The following DNAH9 variants were observed in gnomAD, a reference collection of about 807,000 sequenced individuals.
DNAH9 encodes the protein DNAH9 variant protein.
DNAH9 carries 345 observed loss-of-function variants against 471.6 expected under a neutral mutation model. That is an observed-to-expected ratio of 0.73 (90% CI 0.67 to 0.80). The LOEUF (loss-of-function observed/expected upper bound fraction) is 0.80, where lower values mean the gene tolerates loss of function less well. Ranked by LOEUF, DNAH9 falls within the 30% of genes least tolerant of loss-of-function variation. DNAH9 has a pLI of 0.00. For missense variants in DNAH9, 5,407 were observed against 5,609.2 expected (o/e 0.96, Z 1.15); for synonymous variants, 2,093 against 2,123.6 (o/e 0.99, Z 0.40).
chr17:11,686,319 A>G (rs1009204488), intron 19 of DNAH9, among the ~76,000 whole-genome samples: 1 of 152,124 alleles, frequency 6.6e-6, no homozygotes, highest in Non-Finnish European at 1.5e-5. Context: ...TCTTTTAATT[A>G]TAGTTTTATT....
chr17:11,601,710 G>A (rs1275660077), intron 1 of DNAH9, among the ~76,000 whole-genome samples: 1 of 151,902 alleles, frequency 6.6e-6, no homozygotes, highest in Non-Finnish European at 1.5e-5. Flanking sequence ...CCCTCCTTCT[G>A]GCCCAGCCCT....
chr17:11,858,678 G>C (rs1699641368), intron 50 of DNAH9, among the ~76,000 whole-genome samples: 1 of 152,282 alleles, frequency 6.6e-6, no homozygotes, highest in South Asian at 2.1e-4. Context: ...TATTGAGGCA[G>C]TTGACCTTCT....
chr17:11,640,691 CT>C (rs1045039705), intron 10 of DNAH9, among the ~76,000 whole-genome samples: 2 of 152,166 alleles, frequency 1.3e-5, no homozygotes, highest in African/African-American at 4.8e-5. Flanking sequence ...ACACGTCTCC[CT>C]TTGACATCAT....
intron 43 of DNAH9, among the ~76,000 whole-genome samples, chr17:11,800,363 C>CCTCT (rs374120092): frequency 1.3e-5 from 2 of 150,278 alleles, no homozygotes; most frequent in African/African-American, 2.4e-5. Flanking sequence ...GTAATTATCT[C>CCTCT]CTCTCTCTCT....
Position 11,822,984 on chromosome 17 carries a change from A to G in DNAH9, c.9196A>G (p.Thr3066Ala). The G allele has an allele frequency of 6.2e-7, 1 of 1,614,192 alleles. No individual in the cohort carries two copies. The highest frequency in any genetic ancestry group is 8.5e-7 in the Non-Finnish European group (1 of 1,180,026). Residue 3066 changes from threonine (T) to alanine (A), a missense_variant, in exon 48 of 69, where the codon ACA becomes GCA. By Grantham distance (58) the Thr-to-Ala change is moderately conservative. Transcript: ENST00000262442. ...GCACAGAAAAGAGCTCAAGTGCAAG[A>G]CAGAGCGGTTGGAGAACGGGCTGCT... ...HRHRKELKCKTERLENGLLKL... is the reference protein window; with the variant it reads ...HRHRKELKCKAERLENGLLKL...
intron 26 of DNAH9, among the ~76,000 whole-genome samples, chr17:11,717,872 C>A (rs1053236596): frequency 3.3e-5 from 5 of 152,082 alleles, no homozygotes; most frequent in African/African-American, 4.8e-5. Flanking sequence ...AATGGAATGA[C>A]AACATATAAT....
At chr17:11,700,975 C>T in intron 23 of DNAH9, 147 bp from the exon 24 acceptor site, 1 of 760,410 alleles carries the variant, frequency 1.3e-6, no homozygotes, top group Non-Finnish European at 2.2e-6. Flanking sequence ...AACAGCACAT[C>T]TCTCTGCACC....
At position 11,602,969 on chromosome 17, in the gene DNAH9, C is replaced by G. The variant is rs181227696; in HGVS notation, c.417+4054C>G. ...TCCCATTGGCCCTGGACCATGCACA[C>G]GGTCTCTTCTCTTACCCAATTTGAG... On this transcript the variant is annotated intron_variant, in intron 1 of 68. Coordinates refer to ENST00000262442, the MANE Select transcript of DNAH9 (RefSeq NM_001372.4). Among the ~76,000 whole-genome samples the G allele has an allele frequency of 4.8e-3, 731 of 152,300 alleles. 2 individuals are homozygous for G. The highest frequency in any genetic ancestry group is 0.016 in the African/African-American group (672 of 41,558).
intron 5 of DNAH9, among the ~76,000 whole-genome samples, chr17:11,618,993 A>G (rs1365336692): frequency 6.6e-6 from 1 of 152,132 alleles, no homozygotes; most frequent in Non-Finnish European, 1.5e-5. Context: ...CAAAAGTAGG[A>G]GCAAAAAAAG....
At chr17:11,876,078 G>C (rs951649609) in intron 53 of DNAH9, among the ~76,000 whole-genome samples, 21 of 152,214 alleles carry the variant, frequency 1.4e-4, no homozygotes, top group East Asian at 7.7e-4. Context: ...AGGAAGCAGA[G>C]GTTCACAGAA....
In DNAH9 at chr17:11,875,009, G is replaced by A. The variant is rs765611046; in HGVS notation, c.10303G>A (p.Val3435Met). 1.2e-5 allele frequency: 20 copies of A among 1,613,968 alleles called. No individual in the cohort carries two copies. The highest frequency in any genetic ancestry group is 1.7e-5 in the Admixed American group (1 of 59,992). ...GAGGATGCTGATGGATGATGCTGACGTGGCTGCCTGGCAGAACGAGGGCCT... is the reference window on the plus strand; with the variant it reads ...GAGGATGCTGATGGATGATGCTGACATGGCTGCCTGGCAGAACGAGGGCCT... ...PLRMLMDDAD[V>M]AAWQNEGLPA... Residue 3435 changes from valine to methionine, a missense_variant, in exon 53 of 69, where the codon GTG becomes ATG. This residue lies in a region of DNAH9 where 4,636 missense variants were observed against 4,900.3 expected (regional missense o/e 0.95). Coordinates refer to ENST00000262442, the MANE Select transcript of DNAH9 (RefSeq NM_001372.4).
Position 11,793,596 on chromosome 17 carries a change from A to G in DNAH9, c.8155A>G (p.Met2719Val), listed in dbSNP as rs992659329. ...HESNRVYRDK[M>V]VEEKDFDLFD... ...ATCAAATCGAGTTTATCGGGATAAG[A>G]TGGTAGAAGAAAAGGACTTTGATCT... The change falls in exon 42 of 69, where the codon ATG (methionine) becomes GTG (valine). Residue 2719 changes from methionine (M) to valine (V), a missense_variant. This residue lies in a region of DNAH9 where 4,636 missense variants were observed against 4,900.3 expected (regional missense o/e 0.95). Coordinates refer to ENST00000262442, the MANE Select transcript of DNAH9 (RefSeq NM_001372.4). The G allele has an allele frequency of 2.5e-6, 4 of 1,613,896 alleles. No homozygotes were observed. The African/African-American group carries it at 4.0e-5, about 16-fold the overall frequency.
intron 61 of DNAH9, among the ~76,000 whole-genome samples, chr17:11,922,725 T>C (rs1285799468): frequency 6.6e-6 from 1 of 152,208 alleles, no homozygotes; most frequent in Non-Finnish European, 1.5e-5. Context: ...CTCTTTTCTA[T>C]GTGTTGGGAA....
At chr17:11,823,709 A>G (rs1475532514) in intron 48 of DNAH9, among the ~76,000 whole-genome samples, 1 of 152,088 alleles carries the variant, frequency 6.6e-6, no homozygotes, top group East Asian at 1.9e-4. Flanking sequence ...AGGCTGGTGG[A>G]TCACGAGGTC....
chr17:11,805,771 T>C (rs1969653864), intron 43 of DNAH9, among the ~76,000 whole-genome samples: 1 of 152,106 alleles, frequency 6.6e-6, no homozygotes, highest in South Asian at 2.1e-4. Flanking sequence ...CAGGCTGGTC[T>C]CGAACTCCTA....
chr17:11,762,791 T>TC (rs1967764208), intron 35 of DNAH9, among the ~76,000 whole-genome samples: 1 of 140,600 alleles, frequency 7.1e-6, no homozygotes, highest in Non-Finnish European at 1.5e-5. Flanking sequence ...TTTTTTTTTT[T>TC]TTTTTTGAGA....
At chr17:11,929,324 G>A (rs977091140) in intron 62 of DNAH9, among the ~76,000 whole-genome samples, 15 of 152,178 alleles carry the variant, frequency 9.9e-5, no homozygotes, top group Admixed American at 2.0e-4. Flanking sequence ...GTTAGCCACC[G>A]TGCCTGGCCG....
chr17:11,861,495 A>G (rs1184126299), intron 50 of DNAH9, among the ~76,000 whole-genome samples: 1 of 151,948 alleles, frequency 6.6e-6, no homozygotes, highest in Non-Finnish European at 1.5e-5. Context: ...ACGTGTGCAT[A>G]TGTCTTTATA....
intron 15 of DNAH9, among the ~76,000 whole-genome samples, chr17:11,667,324 T>C (rs572399210): frequency 6.6e-6 from 1 of 152,338 alleles, no homozygotes; most frequent in Admixed American, 6.5e-5. Flanking sequence ...TATACCATCT[T>C]ATAAACTTAT....
Sources: gnomAD v4.1 joint callset for allele counts (sites outside exome capture counted in the v4.1 genomes callset) on GRCh38, gnomAD v4.1.1 for gene constraint, gnomAD v4.1.1 regional missense constraint, MANE v1.5 for transcripts, NCBI Gene and HGNC (gene_info 2026-07-23, HGNC 2026-07-21) for gene names.